ITGB4: variants seen among roughly 807,000 people sequenced by gnomAD.
The protein encoded by ITGB4 is integrin beta-4.
Under a neutral mutation model 207.6 loss-of-function variants are expected in ITGB4, and 159 were observed. The observed-to-expected ratio is 0.77, with a 90% CI of 0.67 to 0.87. The LOEUF (loss-of-function observed/expected upper bound fraction) is 0.87, where lower values mean the gene tolerates loss of function less well. Ranked by LOEUF, ITGB4 falls within the 40% of genes least tolerant of loss-of-function variation. ITGB4 has a pLI of 0.00. For missense variants in ITGB4, 2,278 were observed against 2,546.8 expected, an observed-to-expected ratio of 0.89 and a Z score of 2.27; for synonymous variants, 1,020 against 1,062.7, an observed-to-expected ratio of 0.96 and a Z score of 0.78.
Position 75,730,954 on chromosome 17 carries a change from AG to A in ITGB4, c.1084del (p.Ala362ProfsTer14), listed in dbSNP as rs2060843028. ...DSSNIVELLE[E>X]AFNRIRSNLD... ...TCCAACATCGTGGAGCTGCTGGAGG[AG>A]GCCTTCAATGTGAGGGCAGCTCAGG... On this transcript the variant is annotated frameshift_variant, in exon 9 of 40. Coordinates refer to ENST00000200181, the MANE Select transcript of ITGB4 (RefSeq NM_000213.5). LOFTEE classifies it high-confidence loss of function. 1 of 1,613,366 alleles carries A rather than the reference AG, an allele frequency of 6.2e-7. No individual in the cohort carries two copies. Among genetic ancestry groups the A allele is most frequent in the Non-Finnish European group, 8.5e-7 (1 of 1,179,718 alleles).
At chr17:75,733,417 A>G in intron 12 of ITGB4, 73 bp from the exon 13 acceptor site, 14 of 1,192,998 alleles carry the variant, frequency 1.2e-5, no homozygotes, top group Non-Finnish European at 1.4e-5. Flanking sequence ...AAATTAAATT[A>G]AATTAAATGG....
intron 5 of ITGB4, 101 bp from the exon 6 acceptor site, chr17:75,728,276 C>T (rs896767481): frequency 1.8e-5 from 16 of 909,910 alleles, no homozygotes; most frequent in Non-Finnish European, 2.9e-5. Flanking sequence ...AAAGCGTTAA[C>T]CTCCCTCTTC....
In ITGB4 at chr17:75,742,390, A is replaced by G. The variant is rs772496890; in HGVS notation, c.2683A>G (p.Lys895Glu). The change falls in exon 24 of 40, where the codon AAG (lysine) becomes GAG (glutamate). Residue 895 changes from lysine to glutamate, a missense_variant. Transcript: ENST00000200181. The surrounding 1 kb of genome is among the most constrained non-coding windows in gnomAD (Gnocchi z 5.9). ...AGTGCTGATGGCGCCCCGCTCGGCCAAGCCGGCCCTGCTGAAGCTTACAGA... is the reference window on the plus strand; with the variant it reads ...AGTGCTGATGGCGCCCCGCTCGGCCGAGCCGGCCCTGCTGAAGCTTACAGA... ...DTVLMAPRSA[K>E]PALLKLTEKQ... The G allele has an allele frequency of 6.2e-6, 10 of 1,613,252 alleles. No homozygotes were observed. In the South Asian group the frequency reaches 1.1e-4, roughly 18 times the overall value.
intron 23 of ITGB4, among the ~76,000 whole-genome samples, chr17:75,741,832 C>T (rs946971358): frequency 6.6e-6 from 1 of 151,952 alleles, no homozygotes; most frequent in Non-Finnish European, 1.5e-5. Context: ...AATGGCTGAC[C>T]AGCATTTCTT....
Position 75,755,696 on chromosome 17 carries a change from C to T in ITGB4, c.4559-5C>T, listed in dbSNP as rs1218549854. On this transcript the variant is annotated splice_polypyrimidine_tract_variant and splice_region_variant and intron_variant, in intron 34 of 39. Transcript: ENST00000200181. ...CTCTGGCTGACTGCGGCCTCCTGTC[C>T]CCAGACTCTCGCCTGACTGCTGGTG... The T allele has an allele frequency of 3.1e-6, 5 of 1,612,870 alleles. No homozygotes were observed. Among genetic ancestry groups the T allele is most frequent in the African/African-American group, 1.3e-5 (1 of 75,012 alleles).
Position 75,756,769 on chromosome 17 carries a change from G to A in ITGB4, c.4963G>A (p.Asp1655Asn), listed in dbSNP as rs12600339. Reference sequence around the variant, plus strand: ...GCTGGTGTTCACTGCCCTGAGCCCAGACTCGCTGCAGCTGAGCTGGGAGCG... The same window carrying A: ...GCTGGTGTTCACTGCCCTGAGCCCAAACTCGCTGCAGCTGAGCTGGGAGCG... ...GPLVFTALSP[D>N]SLQLSWERPR... Residue 1655 changes from aspartate (D) to asparagine (N), a missense_variant, in exon 37 of 40, where the codon GAC becomes AAC. Asp to Asn is a conservative substitution (Grantham distance 23, BLOSUM62 1). Transcript: ENST00000200181. 3.1e-6 allele frequency: 5 copies of A among 1,612,840 alleles called. No individual in the cohort carries two copies. The highest frequency in any genetic ancestry group is 4.2e-6 in the Non-Finnish European group (5 of 1,180,028).
At chr17:75,754,961 C>CACATGCACACACAT (rs3988219) in intron 34 of ITGB4, 146 bp downstream of exon 34, 1 of 1,529,320 alleles carries the variant, frequency 6.5e-7, no homozygotes, top group Non-Finnish European at 9.0e-7. Flanking sequence ...CACGTGCACA[C>CACATGCACACACAT]GCATGCACAC....
chr17:75,750,958 A>G lies in ITGB4; in HGVS notation c.3656-16A>G. On this transcript the variant is annotated splice_polypyrimidine_tract_variant and intron_variant, in intron 29 of 39. Transcript: ENST00000200181. This position sits in a 1 kb window ranked among gnomAD's most constrained non-coding sequence, Gnocchi z 5.5. ...CTGCCACTGACAGCACTCTTCCTGTATTCCCCGCTCCCTAGTGCCCAGCGA... is the reference window on the plus strand; with the variant it reads ...CTGCCACTGACAGCACTCTTCCTGTGTTCCCCGCTCCCTAGTGCCCAGCGA... 2 of 1,613,502 alleles carry G rather than the reference A, an allele frequency of 1.2e-6. No homozygotes were observed. Among genetic ancestry groups the G allele is most frequent in the Non-Finnish European group, 1.7e-6 (2 of 1,179,994 alleles).
Position 75,729,195 on chromosome 17 carries a change from G to T in ITGB4, c.567-70G>T. ...AAAAAATTCTCCTTCTAGTTGAAACGAGCCAGGGGCACTGGGGTCTGCGGC... is the reference window on the plus strand; with the variant it reads ...AAAAAATTCTCCTTCTAGTTGAAACTAGCCAGGGGCACTGGGGTCTGCGGC... On this transcript the variant is annotated intron_variant, in intron 6 of 39. Transcript: ENST00000200181. This position sits in a 1 kb window ranked among gnomAD's most constrained non-coding sequence, Gnocchi z 4.4. The T allele has an allele frequency of 1.4e-6, 2 of 1,402,062 alleles. No homozygotes were observed. Among genetic ancestry groups the T allele is most frequent in the Non-Finnish European group, 2.0e-6 (2 of 1,014,876 alleles). The allele number at this position is 1,402,062 out of a possible 1,614,324, so 86.9% of individuals were successfully genotyped here.
At chr17:75,734,138 T>TG (rs2060925254) in intron 13 of ITGB4, among the ~76,000 whole-genome samples, 1 of 141,930 alleles carries the variant, frequency 7.0e-6, no homozygotes, top group African/African-American at 2.7e-5. Context: ...TTTTTTTTTT[T>TG]TTTTTTTTTT....
Position 75,733,659 on chromosome 17 carries a change from C to T in ITGB4, c.1624C>T (p.Gln542Ter), listed in dbSNP as rs746345663. ...TCAGTTCTGCGAGTATGACAACTTCCAGTGTCCCCGCACTTCCGGGTTCCT... is the reference window on the plus strand; with the variant it reads ...TCAGTTCTGCGAGTATGACAACTTCTAGTGTCCCCGCACTTCCGGGTTCCT... Reference protein sequence around the residue: ...EGQFCEYDNFQCPRTSGFLCN... With the variant: ...EGQFCEYDNF The change falls in exon 13 of 40, where the codon CAG (glutamine) becomes TAG (stop). Residue 542 changes from glutamine to a stop codon, truncating the protein, a stop_gained. Coordinates refer to ENST00000200181, the MANE Select transcript of ITGB4 (RefSeq NM_000213.5). LOFTEE classifies it high-confidence loss of function. 6.2e-7 allele frequency: 1 copy of T among 1,614,184 alleles called. No homozygotes were observed. Among genetic ancestry groups the T allele is most frequent in the South Asian group, 1.1e-5 (1 of 91,090 alleles).
rs2060733406 is a variant in ITGB4 at position 75,727,065 on chromosome 17, T to G, written c.80-130T>G. On this transcript the variant is annotated intron_variant, in intron 2 of 39. Coordinates refer to ENST00000200181, the MANE Select transcript of ITGB4 (RefSeq NM_000213.5). This position sits in a 1 kb window ranked among gnomAD's most constrained non-coding sequence, Gnocchi z 6.0. ...TCCAGCCTGGGCAACAGAGCGAGACTCTGTCTCAAAATAAATAAATAAATA... is the reference window on the plus strand; with the variant it reads ...TCCAGCCTGGGCAACAGAGCGAGACGCTGTCTCAAAATAAATAAATAAATA... 1.3e-6 allele frequency: 1 copy of G among 790,106 alleles called. No individual in the cohort carries two copies. The highest frequency in any genetic ancestry group is 2.1e-6 in the Non-Finnish European group (1 of 468,410). The allele number at this position is 790,106 out of a possible 1,614,324, so 48.9% of individuals were successfully genotyped here.
rs201260982 is a variant in ITGB4, at chr17:75,739,838, G to A, written c.2255-42G>A. ...CCCACCTGAAGAGGTTGGGCTGTGC[G>A]GGTCTAGGGAGGGGTGCCGTGCTGA... On this transcript the variant is annotated intron_variant, in intron 19 of 39. Transcript: ENST00000200181. The surrounding 1 kb of genome is among the most constrained non-coding windows in gnomAD (Gnocchi z 5.4). The A allele has an allele frequency of 1.1e-4, 172 of 1,611,814 alleles. No homozygotes were observed. The highest frequency in any genetic ancestry group is 2.8e-4 in the Admixed American group (17 of 60,000).
chr17:75,753,989 C>T lies in ITGB4; in HGVS notation c.4318+15C>T, dbSNP rs779100324. ...GCCCCCCGGAGGTGACAGGCTCACC[C>T]GCCGCCCCCCGATCCGCGCCCACCC... On this transcript the variant is annotated intron_variant, in intron 33 of 39. Coordinates refer to ENST00000200181, the MANE Select transcript of ITGB4 (RefSeq NM_000213.5). The T allele has an allele frequency of 8.9e-7, 1 of 1,120,090 alleles. No homozygotes were observed. The highest frequency in any genetic ancestry group is 1.1e-6 in the Non-Finnish European group (1 of 880,620). The allele number at this position is 1,120,090 out of a possible 1,614,324, so 69.4% of individuals were successfully genotyped here. A position where few individuals can be genotyped will look rare whatever the true frequency, so the allele number is the denominator to read the frequency against.
chr17:75,737,126 C>G (rs751216535), intron 16 of ITGB4, among the ~76,000 whole-genome samples, 196 bp from the exon 17 acceptor site: 1 of 152,170 alleles, frequency 6.6e-6, no homozygotes, highest in Non-Finnish European at 1.5e-5. Context: ...CTCTGATGCT[C>G]CTGAGCAGGG....
Position 75,727,974 on chromosome 17 carries a change from C to A in ITGB4, c.469+119C>A. ...CAGAAGGAAACACTGGACATTTGAG[C>A]CCCCAAAAACCTTCCCTTCCATTCT... On this transcript the variant is annotated intron_variant, in intron 5 of 39. Coordinates refer to ENST00000200181, the MANE Select transcript of ITGB4 (RefSeq NM_000213.5). The surrounding 1 kb of genome is among the most constrained non-coding windows in gnomAD (Gnocchi z 6.0). 1.1e-6 allele frequency: 1 copy of A among 875,490 alleles called. No individual in the cohort carries two copies. 54.2% of individuals were successfully genotyped at this position (875,490 alleles called of 1,614,324 possible). A position where few individuals can be genotyped will look rare whatever the true frequency, so the allele number is the denominator to read the frequency against.
At position 75,754,612 on chromosome 17, in the gene ITGB4, C is replaced by T. The variant is rs747052393; in HGVS notation, c.4355C>T (p.Pro1452Leu). ...AATGGCCGGATGGACTTTGCCTTCC[C>T]GGGCAGCACCAACTCCCTGCACAGG... is the stretch of plus-strand genomic sequence containing the variant. ...LVNGRMDFAF[P>L]GSTNSLHRMT... The change falls in exon 34 of 40, where the codon CCG becomes CTG. Residue 1452 changes from proline (P) to leucine (L), a missense_variant. Transcript: ENST00000200181. 17 of 1,613,796 alleles carry T rather than the reference C, an allele frequency of 1.1e-5. 1 individual carries two copies. In the Admixed American group the frequency reaches 1.2e-4, roughly 11 times the overall value.
chr17:75,725,380 G>C lies in ITGB4; in HGVS notation c.79+598G>C, dbSNP rs1446917815. Among the ~76,000 whole-genome samples, 4 of 152,182 alleles carry C rather than the reference G, an allele frequency of 2.6e-5. No individual in the cohort carries two copies. The East Asian group carries it at 7.7e-4, about 29-fold the overall frequency. ...CCCGGTGAAATGCAGTGATGCCATC[G>C]TGGCTCACTGCAGCCTCAACTTCCC... On this transcript the variant is annotated intron_variant, in intron 2 of 39. Coordinates refer to ENST00000200181, the MANE Select transcript of ITGB4 (RefSeq NM_000213.5).
chr17:75,727,857 T>C lies in ITGB4; in HGVS notation c.469+2T>C. 1 of 1,613,406 alleles carries C rather than the reference T, an allele frequency of 6.2e-7. No homozygotes were observed. Among genetic ancestry groups the C allele is most frequent in the Non-Finnish European group, 8.5e-7 (1 of 1,179,788 alleles). ...TCAAGAAGATGGGGCAGAACCTGGG[T>C]ACGGCAGGGCCAGAGTGGAGGACAG... On this transcript the variant is annotated splice_donor_variant, in intron 5 of 39. Coordinates refer to ENST00000200181, the MANE Select transcript of ITGB4 (RefSeq NM_000213.5). LOFTEE classifies it high-confidence loss of function. The surrounding 1 kb of genome is among the most constrained non-coding windows in gnomAD (Gnocchi z 6.0).
Sources: allele counts gnomAD v4.1 joint callset (sites outside exome capture counted in the v4.1 genomes callset), GRCh38; gene constraint gnomAD v4.1.1; non-coding constraint Gnocchi (gnomAD v3.1); transcripts MANE v1.5; gene names NCBI Gene and HGNC (gene_info 2026-07-23, HGNC 2026-07-21).